The following NRG3 variants were observed in gnomAD, a reference collection of about 807,000 sequenced individuals.
NRG3 encodes pro-neuregulin-3, membrane-bound isoform.
A neutral mutation model predicts 66.9 loss-of-function variants in NRG3; 31 were observed. The ratio of observed to expected loss-of-function variants is 0.46; its 90% confidence interval spans 0.35 to 0.63. NRG3 has a LOEUF of 0.63. NRG3 is among the 20% of genes least tolerant of loss of function. NRG3 has a pLI of 0.00. For synonymous variants in NRG3, 393 were observed against 359.4 expected, an observed-to-expected ratio of 1.09 and a Z score of -1.06; for missense variants, 910 against 878.9, an observed-to-expected ratio of 1.04 and a Z score of -0.45.
chr10:82,408,089 A>AAGAAAGAG (rs2087722429), intron 2 of NRG3, among the ~76,000 whole-genome samples: 1 of 54,874 alleles, frequency 1.8e-5, no homozygotes, highest in African/African-American at 7.4e-5. Context: ...GAGAGACAGA[A>AAGAAAGAG]AGAAAGAAAG....
chr10:82,239,035 A>G lies in NRG3; in HGVS notation c.824-119704A>G, dbSNP rs568023011. Among the ~76,000 whole-genome samples, 7 of 147,632 alleles carry G rather than the reference A, an allele frequency of 4.7e-5. 1 individual carries two copies. The South Asian group carries it at 1.5e-3, about 31-fold the overall frequency. ...TTATATCTATAGGTTTACATCTTAG[A>G]TTTAGATTTTTATTCCACCTTTGTA... On this transcript the variant is annotated intron_variant, in intron 1 of 8. Transcript: ENST00000372141.
intron 1 of NRG3, among the ~76,000 whole-genome samples, chr10:81,912,621 C>G (rs1268140660): frequency 6.6e-6 from 1 of 152,028 alleles, no homozygotes; most frequent in African/African-American, 2.4e-5. Context: ...AGAGAATATC[C>G]CAGAATAAGT....
intron 3 of NRG3, among the ~76,000 whole-genome samples, chr10:82,851,611 T>C (rs1333385017): frequency 6.6e-6 from 1 of 152,212 alleles, no homozygotes; most frequent in Non-Finnish European, 1.5e-5. Context: ...AATATTTTTC[T>C]CTCTCTCTTT....
At chr10:82,239,974 G>T (rs1397111819) in intron 1 of NRG3, among the ~76,000 whole-genome samples, 1 of 152,046 alleles carries the variant, frequency 6.6e-6, no homozygotes, top group East Asian at 1.9e-4. Context: ...TCCCATAATA[G>T]AGTGTACTGG....
At chr10:82,449,346 G>C (rs1423014181) in intron 2 of NRG3, among the ~76,000 whole-genome samples, 10 of 152,346 alleles carry the variant, frequency 6.6e-5, no homozygotes, top group African/African-American at 2.2e-4. Flanking sequence ...GAGCCTGTGA[G>C]ATCTTCAGAA....
chr10:82,527,976 A>G (rs1846885307), intron 2 of NRG3, among the ~76,000 whole-genome samples: 2 of 152,024 alleles, frequency 1.3e-5, no homozygotes, highest in Admixed American at 1.3e-4. Context: ...TGGCTTATAC[A>G]TTGTTGGATG....
chr10:82,637,650 C>CA (rs2050288422), intron 2 of NRG3, among the ~76,000 whole-genome samples: 1 of 152,002 alleles, frequency 6.6e-6, no homozygotes, highest in Non-Finnish European at 1.5e-5. Flanking sequence ...TTGTAGTCTT[C>CA]AAAAAATGTC....
intron 1 of NRG3, among the ~76,000 whole-genome samples, chr10:82,101,812 C>G (rs532429304): frequency 1.3e-5 from 2 of 151,276 alleles, no homozygotes; most frequent in East Asian, 3.9e-4. Context: ...GGATTATTTT[C>G]TAAATGCATT....
chr10:82,526,593 G>C lies in NRG3; in HGVS notation c.953+167725G>C, dbSNP rs562512613. On this transcript the variant is annotated intron_variant, in intron 2 of 8. Coordinates refer to ENST00000372141, the MANE Select transcript of NRG3 (RefSeq NM_001010848.4). ...AAATAATAATCAAAAGAAAGGTGTA[G>C]CTATAAATATAACAAAAATTGTCTT... Among the ~76,000 whole-genome samples, 3 of 151,960 alleles carry C rather than the reference G, an allele frequency of 2.0e-5. No individual in the cohort carries two copies. The South Asian group carries it at 6.2e-4, about 32-fold the overall frequency.
At chr10:81,935,780 C>T (rs777640587) in intron 1 of NRG3, among the ~76,000 whole-genome samples, 27 of 152,084 alleles carry the variant, frequency 1.8e-4, no homozygotes, top group Non-Finnish European at 2.9e-4. Flanking sequence ...CTGTATAACC[C>T]TTTGTTACAC....
At chr10:82,119,894 A>C (rs1590185549) in intron 1 of NRG3, among the ~76,000 whole-genome samples, 1 of 152,108 alleles carries the variant, frequency 6.6e-6, no homozygotes, top group Admixed American at 6.6e-5. Context: ...TTGAATAGAA[A>C]TGATATGGCT....
chr10:82,392,305 G>C (rs992926862), intron 2 of NRG3, among the ~76,000 whole-genome samples: 1 of 152,096 alleles, frequency 6.6e-6, no homozygotes, highest in Non-Finnish European at 1.5e-5. Context: ...AGGGTATGCT[G>C]TCCTCTACAA....
chr10:82,226,802 T>G (rs2076184807), intron 1 of NRG3, among the ~76,000 whole-genome samples: 2 of 152,198 alleles, frequency 1.3e-5, no homozygotes, highest in Admixed American at 1.3e-4. Context: ...AGATTCAAAT[T>G]CCCCATCTAT....
intron 2 of NRG3, among the ~76,000 whole-genome samples, chr10:82,728,569 C>A (rs967038091): frequency 1.3e-5 from 2 of 152,156 alleles, no homozygotes; most frequent in African/African-American, 4.8e-5. Context: ...AAACCTCTTT[C>A]TTTTGTAAAT....
At chr10:82,660,888 T>G (rs937150908) in intron 2 of NRG3, among the ~76,000 whole-genome samples, 3 of 152,190 alleles carry the variant, frequency 2.0e-5, no homozygotes, top group Admixed American at 1.3e-4. Context: ...GTTGTTTTTT[T>G]ATGTCCTCCC....
intron 2 of NRG3, among the ~76,000 whole-genome samples, chr10:82,614,106 G>T (rs1043034524): frequency 1.4e-5 from 2 of 143,814 alleles, no homozygotes; most frequent in African/African-American, 5.4e-5. Context: ...CACCATGTTG[G>T]CCAGGCTGGT....
intron 1 of NRG3, among the ~76,000 whole-genome samples, chr10:82,021,136 G>A (rs1405877153): frequency 2.6e-5 from 4 of 151,962 alleles, no homozygotes; most frequent in Admixed American, 2.0e-4. Flanking sequence ...GATCTCCATG[G>A]TGAGATATCC....
In NRG3 at chr10:82,461,960, G is replaced by A. The variant is rs374742334; in HGVS notation, c.953+103092G>A. Among the ~76,000 whole-genome samples, 24 of 152,052 alleles carry A rather than the reference G, an allele frequency of 1.6e-4. No individual in the cohort carries two copies. The East Asian group carries it at 2.9e-3, about 18-fold the overall frequency. On this transcript the variant is annotated intron_variant, in intron 2 of 8. Transcript: ENST00000372141. ...AGCCTGGCCAACATGGAGAAACCCCGTCTCTACTAAAAATACAAAAATTAG... is the reference window on the plus strand; with the variant it reads ...AGCCTGGCCAACATGGAGAAACCCCATCTCTACTAAAAATACAAAAATTAG...
At chr10:82,735,858 C>T (rs990672983) in intron 2 of NRG3, among the ~76,000 whole-genome samples, 1 of 152,002 alleles carries the variant, frequency 6.6e-6, no homozygotes, top group Non-Finnish European at 1.5e-5. Context: ...ACCACCATGG[C>T]ACATGTATAC....
Sources: gnomAD v4.1 joint callset for allele counts (sites outside exome capture counted in the v4.1 genomes callset) on GRCh38, gnomAD v4.1.1 for gene constraint, MANE v1.5 for transcripts, NCBI Gene and HGNC (gene_info 2026-07-23, HGNC 2026-07-21) for gene names.